Variants in ZFHX3 observed in about 807,000 individuals in gnomAD.
ZFHX3 encodes the protein zinc finger homeobox protein 3.
In ZFHX3, 42 loss-of-function variants were observed where a neutral mutation model predicts 279.1. The observed-to-expected ratio is 0.15, with a 90% CI of 0.12 to 0.19. The LOEUF is 0.19. ZFHX3 is among the 10% of genes least tolerant of loss of function. The probability of loss-of-function intolerance (pLI) is 1.00; values close to 1 mark genes in which losing one functional copy is unlikely to be tolerated. For missense variants in ZFHX3, 4,981 were observed against 4,754.0 expected, an observed-to-expected ratio of 1.05 and a Z score of -1.40; for synonymous variants, 2,293 against 1,957.8, an observed-to-expected ratio of 1.17 and a Z score of -4.52.
At chr16:73,744,031 C>A (rs1269078708) in intron 1 of ZFHX3, among the ~76,000 whole-genome samples, 4 of 152,130 alleles carry the variant, frequency 2.6e-5, no homozygotes, top group Non-Finnish European at 1.5e-5. Context: ...CGCAAACCGA[C>A]CCCCGCCACA....
chr16:73,726,547 A>C (rs1028516923), intron 1 of ZFHX3, among the ~76,000 whole-genome samples: 2 of 152,156 alleles, frequency 1.3e-5, no homozygotes, highest in Admixed American at 1.3e-4. Flanking sequence ...AGAATGAGTA[A>C]TTTATAAAGG....
At chr16:73,048,460 G>C (rs1349656288), upstream of ZFHX3, 3 of 152,068 alleles carry the variant, frequency 2.0e-5, no homozygotes, top group Non-Finnish European at 2.9e-5. Flanking sequence ...CCTGGGGCCA[G>C]GAACCCTCGC....
chr16:73,369,652 G>A lies in ZFHX3; in HGVS notation c.-1290-51316C>T, dbSNP rs1175921873. On this transcript the variant is annotated intron_variant, in intron 3 of 17. Coordinates refer to the ZFHX3 transcript ENST00000641206. ...CTTCTCAATCCTAACCATGCACCAGGACCACCTGTGAGCCTGCTAAAAATG... is the reference window on the plus strand; with the variant it reads ...CTTCTCAATCCTAACCATGCACCAGAACCACCTGTGAGCCTGCTAAAAATG... 3.3e-5 allele frequency among the ~76,000 whole-genome samples: 5 copies of A among 152,142 alleles called. No homozygotes were observed. The East Asian group carries it at 9.6e-4, about 29-fold the overall frequency.
Position 73,867,485 on chromosome 16 carries a change from C to T in ZFHX3, c.-1608+24166G>A, listed in dbSNP as rs149857395. ...CACGGAGGTGACCTTCACTTGGAGT[C>T]AATCACAATCTCAGACAAAGCCAAG... On this transcript the variant is annotated intron_variant, in intron 1 of 17. Coordinates refer to the ZFHX3 transcript ENST00000641206. Among the ~76,000 whole-genome samples, 358 of 152,318 alleles carry T rather than the reference C, an allele frequency of 2.4e-3. 14 individuals carry two copies. Among genetic ancestry groups the T allele is most frequent in the Admixed American group, 0.02 (313 of 15,306 alleles).
chr16:73,497,052 C>T (rs1396833132), intron 2 of ZFHX3, among the ~76,000 whole-genome samples: 1 of 152,198 alleles, frequency 6.6e-6, no homozygotes, highest in African/African-American at 2.4e-5. Context: ...GTGTCTCCTC[C>T]TCCCCCGCCA....
chr16:73,638,523 C>T (rs1483783441), intron 2 of ZFHX3, among the ~76,000 whole-genome samples: 2 of 152,142 alleles, frequency 1.3e-5, no homozygotes, highest in East Asian at 3.9e-4. Flanking sequence ...TGACTGTGAC[C>T]TCTTTGAAGG....
At chr16:73,886,864 G>A (rs978441360) in intron 1 of ZFHX3, among the ~76,000 whole-genome samples, 1 of 152,178 alleles carries the variant, frequency 6.6e-6, no homozygotes, top group East Asian at 1.9e-4. Context: ...GGTGAATTGG[G>A]AACTATAAAT....
exon 1 of ZFHX3, chr16:73,058,937 G>A (rs1331602814): frequency 5.9e-6 from 1 of 170,158 alleles, no homozygotes; most frequent in Non-Finnish European, 1.2e-5. Context: ...CGGCGGCTGC[G>A]GCCGGGAGGA....
chr16:73,839,104 A>G (rs977780301), intron 1 of ZFHX3, among the ~76,000 whole-genome samples: 3 of 151,898 alleles, frequency 2.0e-5, no homozygotes, highest in Non-Finnish European at 2.9e-5. Context: ...TAGCTTATGT[A>G]TGTTATATTG....
chr16:73,750,820 T>C (rs1276368111), intron 1 of ZFHX3, among the ~76,000 whole-genome samples: 1 of 151,950 alleles, frequency 6.6e-6, no homozygotes. Context: ...GATGCCTTGA[T>C]GGGAATTTAG....
intron 1 of ZFHX3, among the ~76,000 whole-genome samples, chr16:73,772,391 G>C (rs1411298602): frequency 1.3e-5 from 2 of 152,154 alleles, no homozygotes; most frequent in Non-Finnish European, 2.9e-5. Context: ...AAAACCATCA[G>C]ATCTTGTAAG....
chr16:72,804,299 A>C (rs766501641), intron 7 of ZFHX3, among the ~76,000 whole-genome samples: 4 of 152,252 alleles, frequency 2.6e-5, no homozygotes, highest in African/African-American at 4.8e-5. Context: ...CATGTGCTGC[A>C]TGCTTCTGAG....
Position 73,588,577 on chromosome 16 carries a change from C to T in ZFHX3, c.-1547+91603G>A, listed in dbSNP as rs549120172. Among the ~76,000 whole-genome samples, 20 of 151,852 alleles carry T rather than the reference C, an allele frequency of 1.3e-4. No individual in the cohort carries two copies. The East Asian group carries it at 3.7e-3, about 28-fold the overall frequency. The stretch of plus-strand genomic sequence containing the variant: ...TGGTGGTGGGCGCCTGTAGTCCCAG[C>T]TACTCTGGAGGCTGAGGCAGGAGAA... On this transcript the variant is annotated intron_variant, in intron 2 of 17. Coordinates refer to the ZFHX3 transcript ENST00000641206.
intron 1 of ZFHX3, among the ~76,000 whole-genome samples, chr16:73,855,602 T>C (rs1224727054): frequency 6.6e-6 from 1 of 152,246 alleles, no homozygotes; most frequent in Non-Finnish European, 1.5e-5. Flanking sequence ...ATGTACCTTA[T>C]AATTAATGCA....
chr16:73,498,754 G>T (rs924871593), intron 2 of ZFHX3, among the ~76,000 whole-genome samples: 1 of 152,140 alleles, frequency 6.6e-6, no homozygotes, highest in African/African-American at 2.4e-5. Flanking sequence ...CATCTGAGCC[G>T]GGAGCTCTCG....
chr16:73,090,911 G>GAAAAAAAAA (rs57632636), intron 8 of ZFHX3, among the ~76,000 whole-genome samples: 1,302 of 108,152 alleles, frequency 0.012, 100 homozygotes, highest in African/African-American at 0.059. Flanking sequence ...ATCCCATATT[G>GAAAAAAAAA]AAAAAAAAAA....
intron 1 of ZFHX3, among the ~76,000 whole-genome samples, chr16:73,715,353 C>G (rs1337765993): frequency 6.6e-6 from 1 of 152,140 alleles, no homozygotes; most frequent in African/African-American, 2.4e-5. Context: ...CCGTCTCATT[C>G]AATTACCACA....
chr16:73,589,528 G>A (rs1177702024), intron 2 of ZFHX3, among the ~76,000 whole-genome samples: 10 of 150,026 alleles, frequency 6.7e-5, no homozygotes, highest in African/African-American at 9.8e-5. Flanking sequence ...TCAGGAGATC[G>A]AGACCATCCT....
intron 2 of ZFHX3, among the ~76,000 whole-genome samples, chr16:73,655,006 G>A (rs923512016): frequency 3.0e-4 from 46 of 151,914 alleles, no homozygotes; most frequent in Admixed American, 3.0e-3. Flanking sequence ...GATTACAGGA[G>A]CCAGCCACCA....
Sources: gnomAD v4.1 joint callset for allele counts (sites outside exome capture counted in the v4.1 genomes callset) on GRCh38, gnomAD v4.1.1 for gene constraint, MANE v1.5 for transcripts, NCBI Gene and HGNC (gene_info 2026-07-23, HGNC 2026-07-21) for gene names.